The following CTNNA2 variants were observed in gnomAD, a reference collection of about 807,000 sequenced individuals.
CTNNA2 encodes the protein catenin alpha 2, also known as catenin alpha-2.
In CTNNA2, 42 loss-of-function variants were observed where a neutral mutation model predicts 101.0. The ratio of observed to expected loss-of-function variants is 0.42; its 90% confidence interval spans 0.32 to 0.54. The LOEUF (loss-of-function observed/expected upper bound fraction) is 0.54, where lower values mean the gene tolerates loss of function less well. CTNNA2 is among the 20% of genes least tolerant of loss of function. CTNNA2 has a pLI of 0.14. For synonymous variants in CTNNA2, 450 were observed against 456.4 expected (o/e 0.99, Z 0.18); for missense variants, 871 against 1,223.1 (o/e 0.71, Z 4.29).
chr2:79,218,351 A>AT (rs58900850), intron 2 of CTNNA2, among the ~76,000 whole-genome samples: 34,034 of 116,642 alleles, frequency 0.29, 5,388 homozygotes, highest in East Asian at 0.44. Flanking sequence ...GTGTGTGTGT[A>AT]TTTTTTTTTT....
At chr2:79,903,647 T>A (rs1001540419) in intron 6 of CTNNA2, among the ~76,000 whole-genome samples, 13 of 152,106 alleles carry the variant, frequency 8.5e-5, no homozygotes, top group African/African-American at 3.1e-4. Flanking sequence ...GTGACTGGGC[T>A]TTTGTGGAGC....
intron 7 of CTNNA2, among the ~76,000 whole-genome samples, chr2:80,100,934 A>G (rs899561404): frequency 1.3e-5 from 2 of 152,192 alleles, no homozygotes; most frequent in African/African-American, 2.4e-5. Context: ...GGAGTCTGCT[A>G]AGTCTTCATA....
intron 3 of CTNNA2, among the ~76,000 whole-genome samples, chr2:79,751,593 CAAAAAAAAAAAAA>C (rs397985098): frequency 5.8e-5 from 4 of 68,942 alleles, no homozygotes; most frequent in African/African-American, 2.0e-4. Flanking sequence ...GACTCCATCT[CAAAAAAAAAAAAA>C]AAAAAAAAAG....
rs1220425531 is a variant in CTNNA2 at position 80,574,214 on chromosome 2, C to A, written c.1793C>A (p.Ala598Asp). 1.2e-6 allele frequency: 2 copies of A among 1,613,714 alleles called. No individual in the cohort carries two copies. Among genetic ancestry groups the A allele is most frequent in the Non-Finnish European group, 8.5e-7 (1 of 1,179,746 alleles). Residue 598 changes from alanine to aspartate, a missense_variant, in exon 13 of 19, where the codon GCC (alanine) becomes GAC (aspartate). Coordinates refer to ENST00000402739, the MANE Select transcript of CTNNA2 (RefSeq NM_001282597.3). ...QVEVAIEALS[A>D]NVPQPFEENE... ...GAGGTTGCCATTGAAGCCCTGAGTG[C>A]CAACGTTCCTCAACCGTTTGAGGAG...
Position 80,647,896 on chromosome 2 carries a change from C to CTTTTTCTTTCTTTTCTT in CTNNA2, c.*26_*42dup. The CTTTTTCTTTCTTTTCTT allele has an allele frequency of 1.3e-6, 2 of 1,531,750 alleles. No homozygotes were observed. The highest frequency in any genetic ancestry group is 2.3e-5 in the East Asian group (1 of 43,892). The allele number at this position is 1,531,750 out of a possible 1,614,324, so 94.9% of individuals were successfully genotyped here. On this transcript the variant is annotated 3_prime_UTR_variant, in exon 19 of 19. Coordinates refer to ENST00000402739, the MANE Select transcript of CTNNA2 (RefSeq NM_001282597.3). ...AGGACGATAGGTTTTAACAAGAAAGCTTTTTCTTTCTTTTCTTTCTTTCTT... is the reference window on the plus strand; with the variant it reads ...AGGACGATAGGTTTTAACAAGAAAGCTTTTTCTTTCTTTTCTTTTTTTCTTTCTTTTCTTTCTTTCTT...
chr2:80,383,753 G>A (rs1269632061), intron 7 of CTNNA2, among the ~76,000 whole-genome samples: 1 of 151,426 alleles, frequency 6.6e-6, no homozygotes. Context: ...AGATTCTGAA[G>A]CCCTAACATA....
intron 13 of CTNNA2, among the ~76,000 whole-genome samples, chr2:80,576,839 A>G (rs975950264): frequency 8.0e-5 from 12 of 149,932 alleles, no homozygotes; most frequent in Admixed American, 6.7e-5. Context: ...GTTGGCGTGC[A>G]TCTGTAATCC....
intron 9 of CTNNA2, among the ~76,000 whole-genome samples, chr2:80,449,968 T>C (rs1574067780): frequency 6.6e-6 from 1 of 152,358 alleles, no homozygotes. Flanking sequence ...TGTGGTTGAA[T>C]TTCCTGGAAA....
In CTNNA2 at chr2:80,228,753, G is replaced by A. The variant is rs187347120; in HGVS notation, c.1057-164458G>A. ...AGGACAATTAAAAAGAAGCACATAA[G>A]ACAAAATAGAGGGGTAAAGCTGGTT... is the stretch of plus-strand genomic sequence containing the variant. On this transcript the variant is annotated intron_variant, in intron 7 of 18. Coordinates refer to ENST00000402739, the MANE Select transcript of CTNNA2 (RefSeq NM_001282597.3). 3.9e-5 allele frequency among the ~76,000 whole-genome samples: 6 copies of A among 152,236 alleles called. No individual in the cohort carries two copies. The East Asian group carries it at 1.2e-3, about 29-fold the overall frequency.
At chr2:79,206,212 A>T (rs538922018) in intron 2 of CTNNA2, among the ~76,000 whole-genome samples, 21 of 152,230 alleles carry the variant, frequency 1.4e-4, no homozygotes, top group African/African-American at 5.1e-4. Context: ...GTGTTAGGAT[A>T]CAAAGAGTGC....
At chr2:79,802,678 G>T (rs1291777325) in intron 3 of CTNNA2, among the ~76,000 whole-genome samples, 1 of 152,228 alleles carries the variant, frequency 6.6e-6, no homozygotes, top group Non-Finnish European at 1.5e-5. Context: ...GGGAAAAAAA[G>T]ACTTGGAAGA....
At chr2:79,382,073 G>C (rs1208310311) in intron 4 of CTNNA2, among the ~76,000 whole-genome samples, 1 of 152,028 alleles carries the variant, frequency 6.6e-6, no homozygotes, top group South Asian at 2.1e-4. Flanking sequence ...CCTCACTAGT[G>C]GGGGTAGGCA....
chr2:80,555,560 A>T, intron 11 of CTNNA2, 133 bp from the exon 12 acceptor site: 1 of 460,904 alleles, frequency 2.2e-6, no homozygotes. Flanking sequence ...TGTCCTTTAC[A>T]TACAATTTTA....
At chr2:80,621,440 T>C (rs908188775) in intron 18 of CTNNA2, among the ~76,000 whole-genome samples, 3 of 151,970 alleles carry the variant, frequency 2.0e-5, no homozygotes, top group Non-Finnish European at 4.4e-5. Flanking sequence ...TTCTTTTAAA[T>C]AGACAACGTC....
intron 7 of CTNNA2, among the ~76,000 whole-genome samples, chr2:80,237,836 A>G (rs1709624957): frequency 6.6e-6 from 1 of 152,128 alleles, no homozygotes; most frequent in African/African-American, 2.4e-5. Context: ...TCCTGGGCAA[A>G]GTGGTGGTGG....
intron 7 of CTNNA2, among the ~76,000 whole-genome samples, chr2:80,161,015 A>C: frequency 6.6e-6 from 1 of 152,190 alleles, no homozygotes; most frequent in Non-Finnish European, 1.5e-5. Flanking sequence ...CTTTTTCTGC[A>C]TCAATTGATA....
intron 7 of CTNNA2, among the ~76,000 whole-genome samples, chr2:80,184,309 C>T (rs1331216282): frequency 1.3e-5 from 2 of 152,000 alleles, no homozygotes; most frequent in Non-Finnish European, 2.9e-5. Flanking sequence ...TTTGTTTATA[C>T]ATTTATATAT....
chr2:80,581,407 G>A (rs1695528057), intron 13 of CTNNA2, among the ~76,000 whole-genome samples: 1 of 152,124 alleles, frequency 6.6e-6, no homozygotes, highest in African/African-American at 2.4e-5. Flanking sequence ...AATAGATTTG[G>A]ATGGGTGGAA....
intron 3 of CTNNA2, among the ~76,000 whole-genome samples, chr2:79,359,186 T>G (rs925287979): frequency 6.6e-6 from 1 of 152,128 alleles, no homozygotes; most frequent in Non-Finnish European, 1.5e-5. Context: ...GATGCCTGGT[T>G]TGGGATAAAG....
Sources: allele counts gnomAD v4.1 joint callset (sites outside exome capture counted in the v4.1 genomes callset), GRCh38; gene constraint gnomAD v4.1.1; transcripts MANE v1.5; gene names NCBI Gene and HGNC (gene_info 2026-07-23, HGNC 2026-07-21).